The following LRRC53 variants were observed in gnomAD, a reference collection of about 807,000 sequenced individuals.
LRRC53 encodes the protein leucine rich repeat containing 53, also known as leucine-rich repeat-containing protein 53.
In LRRC53, 25 loss-of-function variants were observed where a neutral mutation model predicts 13.6. That is an observed-to-expected ratio of 1.83 (90% CI 1.34 to 2.56). The LOEUF is 2.56. Among genes scored for constraint, LRRC53 ranks in the 30% most tolerant of loss-of-function variants. LRRC53 has a pLI of 0.00. For synonymous variants in LRRC53, 204 were observed against 109.8 expected (o/e 1.86, Z -5.37); for missense variants, 527 against 275.8 (o/e 1.91, Z -6.45).
chr1:74,521,410 A>G, the LRRC53 span, among the ~76,000 whole-genome samples: 2 of 152,158 alleles, frequency 1.3e-5, no homozygotes, highest in African/African-American at 4.8e-5. Flanking sequence ...GTTACTGTTC[A>G]ATAAATGTTA....
intron 3 of LRRC53, among the ~76,000 whole-genome samples, chr1:74,478,933 C>G (rs1005849430): frequency 6.6e-6 from 1 of 152,176 alleles, no homozygotes; most frequent in Admixed American, 6.5e-5. Flanking sequence ...ATTTTCCTAA[C>G]ATTTGAATTT....
At chr1:74,525,847 C>T in the LRRC53 span, among the ~76,000 whole-genome samples, 3 of 152,148 alleles carry the variant, frequency 2.0e-5, no homozygotes, top group Admixed American at 2.0e-4. Context: ...GGCATCACAG[C>T]ACATCACACC....
At chr1:74,515,257 A>G (rs752700065), upstream of LRRC53, among the ~76,000 whole-genome samples, 36 of 152,198 alleles carry the variant, frequency 2.4e-4, no homozygotes, top group Admixed American at 7.9e-4. Context: ...GAGCTTAGGA[A>G]GAAAACAAAC....
At chr1:74,482,978 A>G (rs553244686) in intron 2 of LRRC53, among the ~76,000 whole-genome samples, 4 of 152,340 alleles carry the variant, frequency 2.6e-5, no homozygotes, top group African/African-American at 9.6e-5. Flanking sequence ...CAAAGATATT[A>G]AAGTGATATA....
chr1:74,529,776 T>A, the LRRC53 span, among the ~76,000 whole-genome samples: 4 of 152,206 alleles, frequency 2.6e-5, no homozygotes, highest in Admixed American at 6.5e-5. Context: ...AAAGTTTTTT[T>A]AAGAAAGTTC....
the LRRC53 span, among the ~76,000 whole-genome samples, chr1:74,522,972 A>C: frequency 6.6e-6 from 1 of 152,208 alleles, no homozygotes; most frequent in Non-Finnish European, 1.5e-5. Context: ...AAGAATCCAA[A>C]TTACTAATGA....
At chr1:74,497,612 A>T (rs534113506) in intron 1 of LRRC53, among the ~76,000 whole-genome samples, 1 of 151,726 alleles carries the variant, frequency 6.6e-6, no homozygotes, top group African/African-American at 2.4e-5. Context: ...ATCTACACAC[A>T]CATACATTCC....
chr1:74,507,667 A>C (rs889318458), intron 1 of LRRC53, among the ~76,000 whole-genome samples: 4 of 152,306 alleles, frequency 2.6e-5, no homozygotes, highest in Middle Eastern at 3.4e-3. Context: ...GTTCACTGAC[A>C]CCAACAACAT....
Position 74,470,341 on chromosome 1 carries a change from G to C in LRRC53, c.3281C>G (p.Ser1094Cys). 2.5e-6 allele frequency: 1 copy of C among 400,578 alleles called. No homozygotes were observed. Among genetic ancestry groups the C allele is most frequent in the African/African-American group, 2.0e-5 (1 of 48,794 alleles). 24.8% of individuals were successfully genotyped at this position (400,578 alleles called of 1,614,324 possible). The change falls in exon 5 of 5, where the codon TCT becomes TGT. Residue 1094 changes from serine to cysteine, a missense_variant. Coordinates refer to ENST00000294635, the MANE Select transcript of LRRC53 (RefSeq NM_001382280.1). ...TTGTGAGATCTGAGTTAACATACTA[G>C]AATCTGTCTTGCTTTCATCAAGCAT... ...KNMLDESKTD[S>C]SMLTQISQMT...
chr1:74,501,089 A>T (rs1215681091), intron 1 of LRRC53, among the ~76,000 whole-genome samples: 1 of 152,016 alleles, frequency 6.6e-6, no homozygotes, highest in East Asian at 1.9e-4. Context: ...TCTTTCTGGA[A>T]TTCTAGTTGG....
At chr1:74,535,396 G>A in the LRRC53 span, among the ~76,000 whole-genome samples, 6 of 152,158 alleles carry the variant, frequency 3.9e-5, no homozygotes, top group Admixed American at 3.9e-4. Flanking sequence ...TTTGAGTGTG[G>A]GAGGTGAAGA....
chr1:74,483,440 C>A, intron 1 of LRRC53, 65 bp from the exon 2 acceptor site: 1 of 673,560 alleles, frequency 1.5e-6, no homozygotes. Flanking sequence ...TATTTCTGTA[C>A]ATACAGGTCA....
chr1:74,528,532 C>T, the LRRC53 span, among the ~76,000 whole-genome samples: 9 of 152,082 alleles, frequency 5.9e-5, no homozygotes, highest in African/African-American at 2.2e-4. Flanking sequence ...GAGATTTGTA[C>T]ATTCAGGGAC....
At chr1:74,495,160 A>G (rs889049384) in intron 1 of LRRC53, among the ~76,000 whole-genome samples, 2 of 152,164 alleles carry the variant, frequency 1.3e-5, no homozygotes, top group Non-Finnish European at 2.9e-5. Flanking sequence ...ATAAGGGTGT[A>G]TCTGTCTGCT....
chr1:74,481,212 C>A (rs552068296), intron 2 of LRRC53, among the ~76,000 whole-genome samples: 1 of 152,194 alleles, frequency 6.6e-6, no homozygotes, highest in Non-Finnish European at 1.5e-5. Flanking sequence ...AACATAAACC[C>A]ATCTGTTACT....
chr1:74,503,344 T>G (rs781447493), intron 1 of LRRC53, among the ~76,000 whole-genome samples: 6 of 152,246 alleles, frequency 3.9e-5, no homozygotes, highest in Non-Finnish European at 7.3e-5. Context: ...CTTTCTAACT[T>G]ATATTTTACT....
intron 1 of LRRC53, among the ~76,000 whole-genome samples, chr1:74,504,842 T>G (rs1196450571): frequency 6.6e-6 from 1 of 152,152 alleles, no homozygotes; most frequent in East Asian, 1.9e-4. Context: ...ATGCACTCCC[T>G]CCTAACCCAA....
At chr1:74,514,816 G>C (rs1210225625), upstream of LRRC53, among the ~76,000 whole-genome samples, 2 of 152,158 alleles carry the variant, frequency 1.3e-5, no homozygotes, top group African/African-American at 2.4e-5. Context: ...ATATGTTGAA[G>C]TCTCAGACCC....
the LRRC53 span, among the ~76,000 whole-genome samples, chr1:74,529,555 T>C: frequency 6.6e-6 from 1 of 152,312 alleles, no homozygotes; most frequent in Non-Finnish European, 1.5e-5. Flanking sequence ...ATTGAGATAA[T>C]TGGCAAAACT....
Sources: allele counts gnomAD v4.1 joint callset (sites outside exome capture counted in the v4.1 genomes callset), GRCh38; gene constraint gnomAD v4.1.1; transcripts MANE v1.5; gene names NCBI Gene and HGNC (gene_info 2026-07-23, HGNC 2026-07-21).